CLIC5: variants seen among roughly 807,000 people sequenced by gnomAD.
CLIC5 encodes the protein chloride intracellular channel protein 5.
Under a neutral mutation model 24.7 loss-of-function variants are expected in CLIC5, and 20 were observed. The observed-to-expected ratio is 0.81, with a 90% CI of 0.57 to 1.18. The LOEUF (loss-of-function observed/expected upper bound fraction) is 1.18. Ranked by LOEUF, CLIC5 falls within the 50% of genes most tolerant of loss-of-function variation. The pLI is 0.00. For synonymous variants in CLIC5, 159 were observed against 135.6 expected (o/e 1.17, Z -1.20); for missense variants, 341 against 326.1 (o/e 1.05, Z -0.35).
At chr6:46,102,804 C>T in the CLIC5 span, 3 of 152,244 alleles carry the variant, frequency 2.0e-5, no homozygotes, top group Admixed American at 1.3e-4. Context: ...TTATATGTAA[C>T]GTCCCCTGAT....
chr6:46,035,776 C>T (rs985657217), intron 1 of CLIC5, among the ~76,000 whole-genome samples: 3 of 151,826 alleles, frequency 2.0e-5, no homozygotes, highest in Non-Finnish European at 4.4e-5. Flanking sequence ...GATGGATTCT[C>T]CCTCTGTCAC....
At chr6:46,124,251 C>T in the CLIC5 span, among the ~76,000 whole-genome samples, 32 of 152,306 alleles carry the variant, frequency 2.1e-4, no homozygotes, top group African/African-American at 6.0e-4. Flanking sequence ...ACCAATGGAA[C>T]AGAACAGAGC....
chr6:45,925,317 CTT>C lies in CLIC5; in HGVS notation c.407-10910_407-10909del, dbSNP rs10691767. Among the ~76,000 whole-genome samples the C allele has an allele frequency of 2.9e-3, 398 of 136,206 alleles. 2 individuals carry two copies. The highest frequency in any genetic ancestry group is 9.8e-3 in the African/African-American group (358 of 36,466). The allele number at this position is 136,206 out of a possible 152,430, so 89.4% of individuals were successfully genotyped here. On this transcript the variant is annotated intron_variant, in intron 4 of 5. Coordinates refer to ENST00000339561, the MANE Select transcript of CLIC5 (RefSeq NM_016929.5). Reference sequence around the variant, plus strand: ...AACATGCCAACATGTCATTATTCCGCTTTTTTTTTTTTTTTTTGAGATAGAGT... The same window carrying C: ...AACATGCCAACATGTCATTATTCCGCTTTTTTTTTTTTTTTGAGATAGAGT...
intron 1 of CLIC5, among the ~76,000 whole-genome samples, chr6:45,977,434 C>G (rs553825653): frequency 1.3e-5 from 2 of 152,186 alleles, no homozygotes; most frequent in Non-Finnish European, 2.9e-5. Flanking sequence ...GCTACCTTCC[C>G]TCCATCTTTT....
intron 1 of CLIC5, among the ~76,000 whole-genome samples, chr6:46,054,640 C>T (rs1262831149): frequency 7.2e-5 from 11 of 152,186 alleles, no homozygotes; most frequent in Middle Eastern, 3.2e-3. Flanking sequence ...GGAGTTGGGG[C>T]CTCTAAGGAA....
chr6:46,078,742 T>A (rs1252735830), intron 1 of CLIC5, among the ~76,000 whole-genome samples: 1 of 152,004 alleles, frequency 6.6e-6, no homozygotes, highest in Non-Finnish European at 1.5e-5. Context: ...GACCTTGTAG[T>A]AGAATAAGTG....
intron 3 of CLIC5, among the ~76,000 whole-genome samples, chr6:45,946,845 G>A (rs1000083874): frequency 1.6e-4 from 24 of 152,308 alleles, no homozygotes; most frequent in South Asian, 1.5e-3. Flanking sequence ...CACCCTTGGC[G>A]CCCCCACCTT....
At chr6:45,951,310 G>T (rs1180310326) in intron 2 of CLIC5, among the ~76,000 whole-genome samples, 3 of 152,094 alleles carry the variant, frequency 2.0e-5, no homozygotes, top group East Asian at 3.9e-4. Context: ...TGGAGAAGTG[G>T]GTGAAATTCT....
At chr6:46,082,155 G>T (rs970454488), upstream of CLIC5, among the ~76,000 whole-genome samples, 1 of 152,052 alleles carries the variant, frequency 6.6e-6, no homozygotes, top group African/African-American at 2.4e-5. Context: ...TCTAACACTG[G>T]ATTCTGTTTC....
chr6:46,089,964 A>G, the CLIC5 span, among the ~76,000 whole-genome samples: 1 of 152,220 alleles, frequency 6.6e-6, no homozygotes. Flanking sequence ...CGTGATTTGC[A>G]CAGGAATGCA....
intron 1 of CLIC5, among the ~76,000 whole-genome samples, chr6:45,991,872 T>C (rs1472405342): frequency 6.6e-6 from 1 of 152,188 alleles, no homozygotes; most frequent in Middle Eastern, 3.2e-3. Context: ...TGGTTGAAAC[T>C]GTGTGAATCC....
chr6:46,051,375 C>CA, intron 1 of CLIC5, among the ~76,000 whole-genome samples: 1 of 152,326 alleles, frequency 6.6e-6, no homozygotes, highest in South Asian at 2.1e-4. Context: ...GCATCTAAAA[C>CA]AAGTAAGTTG....
chr6:46,029,743 C>A (rs551087102), intron 1 of CLIC5, among the ~76,000 whole-genome samples: 5 of 152,162 alleles, frequency 3.3e-5, no homozygotes, highest in Non-Finnish European at 4.4e-5. Context: ...CTCAATTTTC[C>A]ATTCACCACA....
intron 1 of CLIC5, among the ~76,000 whole-genome samples, chr6:46,053,407 G>A (rs1768158934): frequency 6.6e-6 from 1 of 152,222 alleles, no homozygotes; most frequent in Non-Finnish European, 1.5e-5. Context: ...AGAACGGAGT[G>A]AGGAATTGAG....
chr6:45,922,541 G>C (rs1027500044), intron 4 of CLIC5, among the ~76,000 whole-genome samples: 2 of 152,070 alleles, frequency 1.3e-5, no homozygotes, highest in Non-Finnish European at 2.9e-5. Context: ...AAAGGCAAGA[G>C]ACTTTGGCCA....
intron 1 of CLIC5, among the ~76,000 whole-genome samples, chr6:45,994,173 A>T (rs116458933): frequency 2.0e-4 from 30 of 152,296 alleles, no homozygotes; most frequent in African/African-American, 7.0e-4. Context: ...GAGGGTAAGG[A>T]TAACAGTTAA....
At chr6:45,986,524 AG>A (rs1765743053) in intron 1 of CLIC5, among the ~76,000 whole-genome samples, 1 of 152,194 alleles carries the variant, frequency 6.6e-6, no homozygotes, top group African/African-American at 2.4e-5. Flanking sequence ...GCTTTTTGTG[AG>A]GGTGCCTTAA....
At position 45,973,709 on chromosome 6, in the gene CLIC5, C is replaced by T. The variant is rs151047405; in HGVS notation, c.64-18465G>A. ...ATCCCAGCACTTTGGGAGGCCGAGG[C>T]GGGCGGATCATGAGATCAAGAGATT... On this transcript the variant is annotated intron_variant, in intron 1 of 5. Transcript: ENST00000339561. 1.9e-4 allele frequency among the ~76,000 whole-genome samples: 29 copies of T among 152,192 alleles called. No homozygotes were observed. The East Asian group carries it at 4.8e-3, about 25-fold the overall frequency.
chr6:46,087,867 A>C, the CLIC5 span, among the ~76,000 whole-genome samples: 8 of 152,296 alleles, frequency 5.3e-5, no homozygotes, highest in Non-Finnish European at 1.2e-4. Context: ...ACTGGTGTTA[A>C]TGCTAAGTGT....
Sources: gnomAD v4.1 joint callset for allele counts (sites outside exome capture counted in the v4.1 genomes callset) on GRCh38, gnomAD v4.1.1 for gene constraint, MANE v1.5 for transcripts, NCBI Gene and HGNC (gene_info 2026-07-23, HGNC 2026-07-21) for gene names.